The following BBC3 variants were observed in gnomAD, a reference collection of about 807,000 sequenced individuals.
The protein encoded by BBC3 is BCL2 binding component 3.
A neutral mutation model predicts 18.2 loss-of-function variants in BBC3; 5 were observed. That is an observed-to-expected ratio of 0.27 (90% confidence interval 0.14 to 0.58). The LOEUF is 0.58. Ranked by LOEUF, BBC3 falls within the 20% of genes least tolerant of loss-of-function variation. The pLI is 0.91. For missense variants in BBC3, 224 were observed against 268.9 expected (o/e 0.83, Z 1.17); for synonymous variants, 119 against 128.0 (o/e 0.93, Z 0.47).
chr19:47,232,419 A>G, upstream of BBC3: 1 of 1,023,758 alleles, frequency 9.8e-7, no homozygotes, highest in Non-Finnish European at 1.4e-6. Flanking sequence ...GAAGAAACTG[A>G]CCACCCACAC....
upstream of BBC3, among the ~76,000 whole-genome samples, chr19:47,231,913 G>C (rs969061344): frequency 6.6e-6 from 1 of 152,144 alleles, no homozygotes; most frequent in Non-Finnish European, 1.5e-5. The surrounding 1 kb of genome is among the most constrained non-coding windows in gnomAD (Gnocchi z 4.0). Context: ...ACACAAACTT[G>C]CTGATAGGCA....
upstream of BBC3, chr19:47,232,712 C>G: frequency 1.0e-6 from 1 of 974,080 alleles, no homozygotes; most frequent in Non-Finnish European, 1.5e-6. Flanking sequence ...CCGTGGATTC[C>G]TGTCTCCTCT....
At position 47,226,682 on chromosome 19, in the gene BBC3, G is replaced by T. The variant is rs1383339183; in HGVS notation, c.347C>A (p.Ala116Glu). Residue 116 changes from alanine (A) to glutamate (E), a missense_variant, in exon 3 of 4, where the codon GCG (alanine) becomes GAG (glutamate). By Grantham distance (107) the Ala-to-Glu change is moderately radical. Coordinates refer to ENST00000439096, the MANE Select transcript of BBC3 (RefSeq NM_014417.5). Reference sequence around the variant, plus strand: ...CGGGGCCGCCTGGGTGGGACCGCCCGCCAGAGCCCCCGGGGCGCTGGGCAC... The same window carrying T: ...CGGGGCCGCCTGGGTGGGACCGCCCTCCAGAGCCCCCGGGGCGCTGGGCAC... ...SPVPSAPGALAGGPTQAAPGV... is the reference protein window; with the variant it reads ...SPVPSAPGALEGGPTQAAPGV... 1 of 1,499,100 alleles carries T rather than the reference G, an allele frequency of 6.7e-7. No individual in the cohort carries two copies. The highest frequency in any genetic ancestry group is 2.6e-5 in the East Asian group (1 of 37,754). The allele number at this position is 1,499,100 out of a possible 1,614,324, so 92.9% of individuals were successfully genotyped here. A position where few individuals can be genotyped will look rare whatever the true frequency, so the allele number is the denominator to read the frequency against.
Position 47,226,614 on chromosome 19 carries a change from C to T in BBC3, c.415G>A (p.Ala139Thr), listed in dbSNP as rs749313690. 1.3e-5 allele frequency: 21 copies of T among 1,577,688 alleles called. No homozygotes were observed. The South Asian group carries it at 2.0e-4, about 15-fold the overall frequency. Reference protein sequence around the residue: ...EEEQWAREIGAQLRRMADDLN... With the variant: ...EEEQWAREIGTQLRRMADDLN... ...TCGTCCGCCATCCGCCGCAGCTGGG[C>T]CCCGATCTCCCGGGCCCACTGTTCC... The change falls in exon 3 of 4, where the codon GCC becomes ACC. Residue 139 changes from alanine (A) to threonine (T), a missense_variant. Transcript: ENST00000439096.
In BBC3 at chr19:47,228,053, G is replaced by A; in HGVS notation, c.274+105C>T. Reference sequence around the variant, plus strand: ...CCACACCCTCCCAGTGGCCCGGCTGGGCCCGCCACCTCCCCCCGTCCTCTC... The same window carrying A: ...CCACACCCTCCCAGTGGCCCGGCTGAGCCCGCCACCTCCCCCCGTCCTCTC... On this transcript the variant is annotated intron_variant, in intron 2 of 3. Coordinates refer to ENST00000439096, the MANE Select transcript of BBC3 (RefSeq NM_014417.5). This position sits in a 1 kb window ranked among gnomAD's most constrained non-coding sequence, Gnocchi z 5.5. The A allele has an allele frequency of 1.0e-6, 1 of 965,710 alleles. No homozygotes were observed. The highest frequency in any genetic ancestry group is 4.5e-5 in the Admixed American group (1 of 22,168). The allele number at this position is 965,710 out of a possible 1,614,324, so 59.8% of individuals were successfully genotyped here.
Position 47,231,133 on chromosome 19 carries a change from C to T in BBC3, c.-220G>A. On this transcript the variant is annotated 5_prime_UTR_variant, in exon 1 of 4. Coordinates refer to ENST00000439096, the MANE Select transcript of BBC3 (RefSeq NM_014417.5). The surrounding 1 kb of genome is among the most constrained non-coding windows in gnomAD (Gnocchi z 4.0). The stretch of plus-strand genomic sequence containing the variant: ...AGGCGCGTCCGCGTCGTGGCCGCTG[C>T]TGGGATCGCTGGTGCCGCCGCCGCC... 1.0e-6 allele frequency: 1 copy of T among 984,688 alleles called. No individual in the cohort carries two copies. The highest frequency in any genetic ancestry group is 1.2e-6 in the Non-Finnish European group (1 of 829,156). The allele number at this position is 984,688 out of a possible 1,614,324, so 61.0% of individuals were successfully genotyped here. A position where few individuals can be genotyped will look rare whatever the true frequency, so the allele number is the denominator to read the frequency against.
chr19:47,227,908 G>A (rs1343982196), intron 2 of BBC3, among the ~76,000 whole-genome samples: 1 of 152,188 alleles, frequency 6.6e-6, no homozygotes, highest in African/African-American at 2.4e-5. Context: ...AGGCCCGGAA[G>A]AGACAGTGGG....
intron 3 of BBC3, among the ~76,000 whole-genome samples, chr19:47,224,194 C>A (rs1333641032): frequency 6.6e-6 from 1 of 152,084 alleles, no homozygotes; most frequent in Non-Finnish European, 1.5e-5. Flanking sequence ...ACTTGGGAGG[C>A]TGAGGCAGGA....
chr19:47,222,740 C>T (rs544668333), intron 3 of BBC3, among the ~76,000 whole-genome samples: 83 of 150,506 alleles, frequency 5.5e-4, no homozygotes, highest in African/African-American at 2.0e-3. Flanking sequence ...CCGAGGTAGG[C>T]GGATCACCTG....
At position 47,226,548 on chromosome 19, in the gene BBC3, C is replaced by G. The variant is rs543782608; in HGVS notation, c.465+16G>C. On this transcript the variant is annotated intron_variant, in intron 3 of 3. Transcript: ENST00000439096. Reference sequence around the variant, plus strand: ...CGGAAGTCCCACCTGCCGTCTACCCCACCCCCAGCACTCACCCGCCGCTCG... The same window carrying G: ...CGGAAGTCCCACCTGCCGTCTACCCGACCCCCAGCACTCACCCGCCGCTCG... 6 of 1,519,164 alleles carry G rather than the reference C, an allele frequency of 3.9e-6. No homozygotes were observed. The highest frequency in any genetic ancestry group is 3.7e-5 in the South Asian group (3 of 81,412). 94.1% of individuals were successfully genotyped at this position (1,519,164 alleles called of 1,614,324 possible). A position where few individuals can be genotyped will look rare whatever the true frequency, so the allele number is the denominator to read the frequency against.
chr19:47,227,311 G>GGCCCCCCCCCCCCCCC (rs2058841719), intron 2 of BBC3: 1 of 89,230 alleles, frequency 1.1e-5, no homozygotes, highest in African/African-American at 4.8e-5. Flanking sequence ...ATGCCTTCCT[G>GGCCCCCCCCCCCCCCC]CCCCCCCCCC....
upstream of BBC3, chr19:47,231,219 G>C (rs1026268900): frequency 3.1e-6 from 3 of 981,362 alleles, no homozygotes; most frequent in Non-Finnish European, 2.4e-6. The surrounding 1 kb of genome is among the most constrained non-coding windows in gnomAD (Gnocchi z 4.0). Flanking sequence ...GGCGGATCCC[G>C]GGCCCGCTCC....
At chr19:47,227,327 C>CA (rs1491541916) in intron 2 of BBC3, 1 of 97,800 alleles carries the variant, frequency 1.0e-5, no homozygotes, top group Non-Finnish European at 2.1e-5. Flanking sequence ...CCCCCCCCCC[C>CA]ACTTCTGAGC....
In BBC3 at chr19:47,221,786, G is replaced by A. The variant is rs780312516; in HGVS notation, c.*16C>T. ...GCCCCCCGAGTCCCTGACGTCCACC[G>A]GGCGGGTGCAGGCACCTAATTGGGC... On this transcript the variant is annotated 3_prime_UTR_variant, in exon 4 of 4. Transcript: ENST00000439096. The A allele has an allele frequency of 1.3e-5, 21 of 1,609,774 alleles. No homozygotes were observed. The highest frequency in any genetic ancestry group is 4.4e-5 in the South Asian group (4 of 90,784).
upstream of BBC3, chr19:47,231,306 C>A (rs1191047684): frequency 3.1e-6 from 2 of 647,330 alleles, no homozygotes; most frequent in Non-Finnish European, 3.8e-6. This position sits in a 1 kb window ranked among gnomAD's most constrained non-coding sequence, Gnocchi z 4.0. Context: ...GCTACGGCCC[C>A]GCCCGCCCGC....
Position 47,231,014 on chromosome 19 carries a change from C to T in BBC3, c.-101G>A. The T allele has an allele frequency of 1.0e-6, 1 of 986,236 alleles. No individual in the cohort carries two copies. 61.1% of individuals were successfully genotyped at this position (986,236 alleles called of 1,614,324 possible). A position where few individuals can be genotyped will look rare whatever the true frequency, so the allele number is the denominator to read the frequency against. ...GGGCGCGCCCGCCGAGCGCCGCTCT[C>T]CGCGGCGGCTGCTGCTGTGGCTGTC... On this transcript the variant is annotated 5_prime_UTR_variant, in exon 1 of 4. Transcript: ENST00000439096. This position sits in a 1 kb window ranked among gnomAD's most constrained non-coding sequence, Gnocchi z 4.0.
rs1368879676 is a variant in BBC3, at chr19:47,221,434, C to CCG, written c.*367_*368insCG. 1,017 of 238,260 alleles carry CCG rather than the reference C, an allele frequency of 4.3e-3. 102 individuals carry two copies. The highest frequency in any genetic ancestry group is 5.7e-3 in the Non-Finnish European group (770 of 134,144). The allele number at this position is 238,260 out of a possible 1,614,324, so 14.8% of individuals were successfully genotyped here. ...GGAGCACCGAGAGGAGAGCCCCCCC[C>CCG]TCCCAGTGTCACCCCTGCAGCTGGA... On this transcript the variant is annotated 3_prime_UTR_variant, in exon 4 of 4. Transcript: ENST00000439096.
rs1256686206 is a variant in BBC3, at chr19:47,228,027, G to C, written c.274+131C>G. ...TTCTTGCAACACAAAGACCACATTG[G>C]CCACACCCTCCCAGTGGCCCGGCTG... On this transcript the variant is annotated intron_variant, in intron 2 of 3. Transcript: ENST00000439096. The surrounding 1 kb of genome is among the most constrained non-coding windows in gnomAD (Gnocchi z 5.5). 1.1e-5 allele frequency: 8 copies of C among 716,056 alleles called. No homozygotes were observed. The highest frequency in any genetic ancestry group is 1.5e-5 in the Non-Finnish European group (8 of 526,168). 44.4% of individuals were successfully genotyped at this position (716,056 alleles called of 1,614,324 possible). A position where few individuals can be genotyped will look rare whatever the true frequency, so the allele number is the denominator to read the frequency against.
chr19:47,223,775 C>T (rs1345294155), intron 3 of BBC3, among the ~76,000 whole-genome samples: 1 of 152,074 alleles, frequency 6.6e-6, no homozygotes, highest in Non-Finnish European at 1.5e-5. Context: ...AGCCCAGCCT[C>T]CTCAACACTC....
Sources: gnomAD v4.1 joint callset for allele counts (sites outside exome capture counted in the v4.1 genomes callset) on GRCh38, gnomAD v4.1.1 for gene constraint, Gnocchi (gnomAD v3.1) non-coding constraint, MANE v1.5 for transcripts, NCBI Gene and HGNC (gene_info 2026-07-23, HGNC 2026-07-21) for gene names.